Variants in CARS2 observed in about 807,000 individuals in gnomAD.
CARS2 encodes cysteinyl-tRNA synthetase 2, mitochondrial.
CARS2 carries 52 observed loss-of-function variants against 68.8 expected under a neutral mutation model. That is an observed-to-expected ratio of 0.76 (90% CI 0.61 to 0.95). CARS2 has a LOEUF of 0.95. CARS2 is among the 40% of genes least tolerant of loss of function. The pLI, the probability that CARS2 is intolerant of heterozygous loss-of-function variation, is 0.00. For synonymous variants in CARS2, 314 were observed against 303.6 expected, an observed-to-expected ratio of 1.03 and a Z score of -0.36; for missense variants, 780 against 754.2, an observed-to-expected ratio of 1.03 and a Z score of -0.40.
At chr13:110,694,585 T>C (rs1396612529) in intron 3 of CARS2, among the ~76,000 whole-genome samples, 3 of 151,918 alleles carry the variant, frequency 2.0e-5, no homozygotes, top group Non-Finnish European at 4.4e-5. Context: ...TGCGCTGGGC[T>C]GAGATCCCAC....
intron 11 of CARS2, chr13:110,646,334 A>C: frequency 2.5e-6 from 1 of 406,802 alleles, no homozygotes; most frequent in Non-Finnish European, 4.3e-6. Context: ...AAAATACAAG[A>C]CACACGTGGG....
chr13:110,651,335 G>A (rs1161547046), intron 9 of CARS2: 2 of 499,054 alleles, frequency 4.0e-6, no homozygotes, highest in Non-Finnish European at 7.1e-6. Context: ...GAGAAAGCCG[G>A]TTTGCACTGA....
chr13:110,712,530 A>AGCG (rs1555306512), intron 1 of CARS2: 4 of 246,688 alleles, frequency 1.6e-5, no homozygotes, highest in Admixed American at 5.8e-5. Flanking sequence ...TTTGGCCGGA[A>AGCG]GGGGGGGGGC....
In CARS2 at chr13:110,642,504, G is replaced by A; in HGVS notation, c.1434C>T (p.Gly478=). 1.2e-6 allele frequency: 2 copies of A among 1,607,744 alleles called. No individual in the cohort carries two copies. Among genetic ancestry groups the A allele is most frequent in the African/African-American group, 1.3e-5 (1 of 74,978 alleles). ...CCACACCATGCAAGGTAGCCTCGCT[G>A]CCGTCTCCTGAAACGTACTGAAGCC... ...LANQQYVSGD[G]SEATLHGVVD... Residue 478 remains glycine (G), a synonymous_variant, in exon 14 of 15, where the codon GGC becomes GGT. Coordinates refer to ENST00000257347, the MANE Select transcript of CARS2 (RefSeq NM_024537.4).
intron 3 of CARS2, among the ~76,000 whole-genome samples, chr13:110,694,509 C>T (rs1483669667): frequency 4.0e-5 from 6 of 151,752 alleles, no homozygotes; most frequent in Admixed American, 6.6e-5. Flanking sequence ...TAGTGGTGTA[C>T]GCCTGTAGTC....
At position 110,668,181 on chromosome 13, in the gene CARS2, C is replaced by A. The variant is rs746658935; in HGVS notation, c.786-708G>T. 1.8e-4 allele frequency among the ~76,000 whole-genome samples: 28 copies of A among 152,224 alleles called. No homozygotes were observed. Among genetic ancestry groups the A allele is most frequent in the Non-Finnish European group, 3.4e-4 (23 of 68,034 alleles). ...GTTCCCTGTGCTCGGGGAAGCACTGCACACGGAGGTCTCGAGCCTGGGGAA... is the reference window on the plus strand; with the variant it reads ...GTTCCCTGTGCTCGGGGAAGCACTGAACACGGAGGTCTCGAGCCTGGGGAA... On this transcript the variant is annotated intron_variant, in intron 7 of 14. Coordinates refer to ENST00000257347, the MANE Select transcript of CARS2 (RefSeq NM_024537.4). This position sits in a 1 kb window ranked among gnomAD's most constrained non-coding sequence, Gnocchi z 4.1.
chr13:110,657,608 CA>C (rs2062403915), intron 9 of CARS2, among the ~76,000 whole-genome samples: 1 of 152,120 alleles, frequency 6.6e-6, no homozygotes. Flanking sequence ...AAAAGAAAGA[CA>C]AAAACACTTT....
chr13:110,672,342 G>T (rs1338154106), intron 7 of CARS2, among the ~76,000 whole-genome samples: 1 of 152,146 alleles, frequency 6.6e-6, no homozygotes, highest in Non-Finnish European at 1.5e-5. Context: ...AAATGTAAAA[G>T]AACAGAAATT....
chr13:110,642,164 G>A (rs894875558), intron 14 of CARS2, 151 bp downstream of exon 14: 47 of 657,086 alleles, frequency 7.2e-5, no homozygotes, highest in Middle Eastern at 4.1e-4. Context: ...CCGAGATCAC[G>A]CCATTGCACT....
intron 12 of CARS2, 149 bp downstream of exon 12, chr13:110,645,818 C>T: frequency 9.4e-7 from 1 of 1,058,716 alleles, no homozygotes; most frequent in Non-Finnish European, 1.3e-6. Flanking sequence ...GTGTCAGCGG[C>T]AGACTCGGGC....
chr13:110,688,321 C>A (rs562146938), intron 3 of CARS2, among the ~76,000 whole-genome samples: 1 of 152,222 alleles, frequency 6.6e-6, no homozygotes, highest in Admixed American at 6.5e-5. Flanking sequence ...CAGCGGCTCA[C>A]GCCTGTAATC....
chr13:110,649,931 C>CTGTTTTTTTTTTTTT (rs1249270267), intron 10 of CARS2, among the ~76,000 whole-genome samples: 18 of 73,146 alleles, frequency 2.5e-4, no homozygotes, highest in East Asian at 1.8e-3. Context: ...TGGATAACGA[C>CTGTTTTTTTTTTTTT]TTTTTTTTTT....
intron 3 of CARS2, among the ~76,000 whole-genome samples, chr13:110,698,387 G>A (rs2063684645): frequency 6.6e-6 from 1 of 151,836 alleles, no homozygotes; most frequent in Non-Finnish European, 1.5e-5. Context: ...AGGCATGGTG[G>A]TGGGTGTCTG....
At chr13:110,693,504 T>C (rs1332422267) in intron 3 of CARS2, among the ~76,000 whole-genome samples, 1 of 151,974 alleles carries the variant, frequency 6.6e-6, no homozygotes, top group Non-Finnish European at 1.5e-5. Context: ...GGACTACAGG[T>C]GCCCGCCACC....
intron 9 of CARS2, among the ~76,000 whole-genome samples, chr13:110,657,481 G>A (rs1416634295): frequency 3.9e-5 from 6 of 152,316 alleles, no homozygotes; most frequent in Admixed American, 2.0e-4. Flanking sequence ...CTGGGGGACC[G>A]GAGCCAGTCA....
At position 110,705,859 on chromosome 13, in the gene CARS2, G is replaced by A; in HGVS notation, c.224+11C>T. The A allele has an allele frequency of 2.6e-6, 4 of 1,549,256 alleles. No homozygotes were observed. The highest frequency in any genetic ancestry group is 2.6e-6 in the Non-Finnish European group (3 of 1,149,700). ...CGGCCCCCGCCCGTGCCCCAGTCCC[G>A]CGCGGCCCACCAGGAGGCGGCTTCG... On this transcript the variant is annotated intron_variant, in intron 1 of 14. Coordinates refer to ENST00000257347, the MANE Select transcript of CARS2 (RefSeq NM_024537.4). This position sits in a 1 kb window ranked among gnomAD's most constrained non-coding sequence, Gnocchi z 4.0.
At chr13:110,656,607 G>A (rs747569820) in intron 9 of CARS2, among the ~76,000 whole-genome samples, 9 of 152,138 alleles carry the variant, frequency 5.9e-5, no homozygotes, top group South Asian at 2.1e-4. Context: ...CTTAGAGGCC[G>A]GGCGTGGTGG....
chr13:110,667,245 G>T, intron 8 of CARS2, 95 bp downstream of exon 8: 1 of 1,122,150 alleles, frequency 8.9e-7, no homozygotes, highest in South Asian at 1.6e-5. Flanking sequence ...CCTATTAGCT[G>T]ATCTACTATG....
Position 110,665,587 on chromosome 13 carries a change from T to G in CARS2, c.919+1753A>C. The G allele has an allele frequency of 1.0e-6, 1 of 985,368 alleles. No individual in the cohort carries two copies. Among genetic ancestry groups the G allele is most frequent in the Non-Finnish European group, 1.2e-6 (1 of 829,952 alleles). The allele number at this position is 985,368 out of a possible 1,614,324, so 61.0% of individuals were successfully genotyped here. A position where few individuals can be genotyped will look rare whatever the true frequency, so the allele number is the denominator to read the frequency against. On this transcript the variant is annotated intron_variant, in intron 8 of 14. Transcript: ENST00000257347. This position sits in a 1 kb window ranked among gnomAD's most constrained non-coding sequence, Gnocchi z 4.3. ...CCCTTCTTGCCCCCCAGCTCCACAC[T>G]CGCAGAAGGGCTCACAGCAGGTCAT...
Sources: allele counts gnomAD v4.1 joint callset (sites outside exome capture counted in the v4.1 genomes callset), GRCh38; gene constraint gnomAD v4.1.1; non-coding constraint Gnocchi (gnomAD v3.1); transcripts MANE v1.5; gene names NCBI Gene and HGNC (gene_info 2026-07-23, HGNC 2026-07-21).